The following SPG11 variants were observed in gnomAD, a reference collection of about 807,000 sequenced individuals.
SPG11 encodes SPG11 vesicle trafficking associated, spatacsin, also known as spatacsin.
In SPG11, 222 loss-of-function variants were observed where a neutral mutation model predicts 274.0. That is an observed-to-expected ratio of 0.81 (90% CI 0.73 to 0.91). SPG11 has a LOEUF of 0.91. SPG11 is among the 40% of genes least tolerant of loss of function. The probability of loss-of-function intolerance (pLI) is 0.00; values close to 1 mark genes in which losing one functional copy is unlikely to be tolerated. For synonymous variants in SPG11, 1,144 were observed against 1,039.7 expected, an observed-to-expected ratio of 1.10 and a Z score of -1.93; for missense variants, 3,114 against 2,872.7, an observed-to-expected ratio of 1.08 and a Z score of -1.92.
chr15:44,608,416 C>T (rs1743603192), intron 19 of SPG11, 28 bp downstream of exon 19: 2 of 1,611,988 alleles, frequency 1.2e-6, no homozygotes, highest in African/African-American at 2.7e-5. Context: ...TCTGATAGAC[C>T]TAAATATTGG....
At position 44,629,297 on chromosome 15, in the gene SPG11, T is replaced by C. The variant is rs1472302884; in HGVS notation, c.1827A>G (p.Gln609=). The part of the protein sequence containing the change: ...SEPQSKHFSE[Q]LLNLTLSFLN... ...GGAAAGACAGTGTAAGATTAAGCAA[T>C]TGTTCTGAAAAGTGTTTGCTTTGGG... The change falls in exon 9 of 40, where the codon CAA becomes CAG. Residue 609 remains glutamine (Q), a synonymous_variant. Transcript: ENST00000261866. 1.2e-6 allele frequency: 2 copies of C among 1,613,994 alleles called. No homozygotes were observed. Among genetic ancestry groups the C allele is most frequent in the East Asian group, 2.2e-5 (1 of 44,890 alleles).
chr15:44,596,665 A>G (rs1293898876), intron 24 of SPG11, 119 bp downstream of exon 24: 2 of 257,054 alleles, frequency 7.8e-6, no homozygotes, highest in Non-Finnish European at 1.3e-5. Context: ...CTGGTCAAAA[A>G]AAAAAAAAAA....
At chr15:44,601,257 T>C (rs1248121065) in intron 20 of SPG11, among the ~76,000 whole-genome samples, 5 of 152,140 alleles carry the variant, frequency 3.3e-5, no homozygotes, top group African/African-American at 1.2e-4. Flanking sequence ...TACAACATAA[T>C]TGATTTTTTA....
Position 44,633,617 on chromosome 15 carries a change from C to A in SPG11, c.1623G>T (p.Gln541His), listed in dbSNP as rs2084148497. The A allele has an allele frequency of 2.5e-6, 4 of 1,613,482 alleles. No individual in the cohort carries two copies. The highest frequency in any genetic ancestry group is 1.3e-5 in the African/African-American group (1 of 74,932). The change falls in exon 8 of 40, where the codon CAG becomes CAT. Residue 541 changes from glutamine to histidine, a missense_variant. By Grantham distance (24) the Gln-to-His change is conservative (BLOSUM62 0). Transcript: ENST00000261866. The part of the protein sequence containing the change: ...HALEAGIENR[Q>H]LDTVNFFLKS... ...TCAAAAAGAAATTTACTGTGTCCAG[C>A]TGACGATTTTCTATCCCGGCCTGAA...
chr15:44,600,544 T>A lies in SPG11; in HGVS notation c.3609A>T (p.Leu1203Phe), dbSNP rs1390671994. ...ATGCAAATGATGGCCGCCCATTATG[T>A]AAATAATAAGCAAAATTCAGACGTT... The part of the protein sequence containing the change: ...IVERLNFAYY[L>F]HNGRPSFAFG... The change falls in exon 21 of 40, where the codon TTA becomes TTT. Residue 1203 changes from leucine (L) to phenylalanine (F), a missense_variant. Coordinates refer to ENST00000261866, the MANE Select transcript of SPG11 (RefSeq NM_025137.4). 6.2e-7 allele frequency: 1 copy of A among 1,614,180 alleles called. No homozygotes were observed. The highest frequency in any genetic ancestry group is 8.5e-7 in the Non-Finnish European group (1 of 1,180,032).
At position 44,611,091 on chromosome 15, in the gene SPG11, TAAAAAAAA is replaced by T. The variant is rs35831490; in HGVS notation, c.3146-114_3146-107del. ...CATAAATTTTTAACTCTATCCCCAGTAAAAAAAAAAAAAAAAAAAAAAAAAGGACTTCC... is the reference window on the plus strand; with the variant it reads ...CATAAATTTTTAACTCTATCCCCAGTAAAAAAAAAAAAAAAAAGGACTTCC... On this transcript the variant is annotated intron_variant, in intron 17 of 39. Coordinates refer to ENST00000261866, the MANE Select transcript of SPG11 (RefSeq NM_025137.4). 3.9e-3 allele frequency: 274 copies of T among 70,060 alleles called. 1 individual carries two copies. Among genetic ancestry groups the T allele is most frequent in the South Asian group, 8.2e-3 (41 of 5,002 alleles). The allele number at this position is 70,060 out of a possible 1,614,324, so 4.3% of individuals were successfully genotyped here.
intron 21 of SPG11, 195 bp downstream of exon 21, chr15:44,600,272 C>A: frequency 1.8e-6 from 1 of 569,370 alleles, no homozygotes; most frequent in Non-Finnish European, 3.1e-6. Flanking sequence ...TTTTAGAATA[C>A]AAATTATATT....
At chr15:44,658,093 A>G (rs1193033924) in intron 3 of SPG11, among the ~76,000 whole-genome samples, 1 of 152,248 alleles carries the variant, frequency 6.6e-6, no homozygotes, top group Non-Finnish European at 1.5e-5. Flanking sequence ...AGCCAATTTC[A>G]TATGCTTAAT....
Position 44,620,270 on chromosome 15 carries a change from G to A in SPG11, c.2754C>T (p.Pro918=). The change falls in exon 15 of 40, where the codon CCC becomes CCT. Residue 918 remains proline (P), a synonymous_variant. Transcript: ENST00000261866. ...SYASLQQNKW[P]LLTVDVINQN... is the part of the protein sequence containing the mutation. ...GGTTAATAACATCAACAGTCAGAAG[G>A]GGCCATTTGTTCTGCTGAAGTGAAG... The A allele has an allele frequency of 6.2e-7, 1 of 1,613,958 alleles. No individual in the cohort carries two copies. The highest frequency in any genetic ancestry group is 8.5e-7 in the Non-Finnish European group (1 of 1,179,986).
At chr15:44,632,835 C>T (rs1056564656) in intron 8 of SPG11, among the ~76,000 whole-genome samples, 3 of 152,126 alleles carry the variant, frequency 2.0e-5, no homozygotes, top group Non-Finnish European at 4.4e-5. Context: ...TCCTAATCCA[C>T]AACTCAGAAA....
intron 30 of SPG11, among the ~76,000 whole-genome samples, chr15:44,582,117 T>C (rs192830030): frequency 1.7e-4 from 26 of 152,324 alleles, no homozygotes; most frequent in African/African-American, 5.8e-4. Flanking sequence ...CAGTCTCAGA[T>C]AGTTTTACTG....
Position 44,661,832 on chromosome 15 carries a change from T to A in SPG11, c.258-1216A>T, listed in dbSNP as rs547942634. Reference sequence around the variant, plus strand: ...CAATATTAAAAAGACCTATGTACTTTGAAAAAGTAGGAAGTAAACTCTAAA... The same window carrying A: ...CAATATTAAAAAGACCTATGTACTTAGAAAAAGTAGGAAGTAAACTCTAAA... On this transcript the variant is annotated intron_variant, in intron 1 of 39. Coordinates refer to ENST00000261866, the MANE Select transcript of SPG11 (RefSeq NM_025137.4). Among the ~76,000 whole-genome samples, 30 of 152,342 alleles carry A rather than the reference T, an allele frequency of 2.0e-4. No individual in the cohort carries two copies. In the South Asian group the frequency reaches 4.6e-3, roughly 23 times the overall value.
At position 44,644,166 on chromosome 15, in the gene SPG11, C is replaced by CAA. The variant is rs35554299; in HGVS notation, c.1602+4698_1602+4699dup. On this transcript the variant is annotated intron_variant, in intron 7 of 39. Coordinates refer to ENST00000261866, the MANE Select transcript of SPG11 (RefSeq NM_025137.4). The stretch of plus-strand genomic sequence containing the variant: ...TGGGCAACAGAGCAAGACTCCATCT[C>CAA]AAAAAAAAAAAAAAAAATTCTCCAC... Among the ~76,000 whole-genome samples the CAA allele has an allele frequency of 4.0e-3, 352 of 86,998 alleles. 3 individuals are homozygous for CAA. The highest frequency in any genetic ancestry group is 0.013 in the African/African-American group (306 of 22,716). The allele number at this position is 86,998 out of a possible 152,430, so 57.1% of individuals were successfully genotyped here. A position where few individuals can be genotyped will look rare whatever the true frequency, so the allele number is the denominator to read the frequency against.
At chr15:44,575,643 C>T (rs182309788) in intron 30 of SPG11, among the ~76,000 whole-genome samples, 38 of 151,730 alleles carry the variant, frequency 2.5e-4, no homozygotes, top group Non-Finnish European at 5.0e-4. Context: ...TACAGGCGTG[C>T]ACCACCACAC....
At chr15:44,633,038 T>G (rs557896118) in intron 8 of SPG11, among the ~76,000 whole-genome samples, 1 of 152,092 alleles carries the variant, frequency 6.6e-6, no homozygotes, top group Non-Finnish European at 1.5e-5. Context: ...TAGAATCTGA[T>G]AACACTGCCA....
chr15:44,598,198 AACT>A, intron 23 of SPG11, 64 bp downstream of exon 23: 1 of 1,201,114 alleles, frequency 8.3e-7, no homozygotes, highest in Non-Finnish European at 1.2e-6. Flanking sequence ...TTCAAAGAAA[AACT>A]AGGCAAACAC....
chr15:44,643,245 C>T (rs2084507705), intron 7 of SPG11, among the ~76,000 whole-genome samples: 1 of 152,080 alleles, frequency 6.6e-6, no homozygotes, highest in African/African-American at 2.4e-5. Context: ...CTTCAGCTTC[C>T]TGATCTATAA....
At chr15:44,580,606 G>C (rs977591990) in intron 30 of SPG11, among the ~76,000 whole-genome samples, 1 of 152,198 alleles carries the variant, frequency 6.6e-6, no homozygotes, top group Non-Finnish European at 1.5e-5. Context: ...GTGAAACCTT[G>C]TCTGTACTAA....
intron 8 of SPG11, among the ~76,000 whole-genome samples, chr15:44,632,021 C>T (rs548617272): frequency 3.3e-5 from 5 of 151,920 alleles, no homozygotes; most frequent in African/African-American, 1.2e-4. Context: ...GTTACCCAGG[C>T]TAGTCTCAAA....
Sources: allele counts gnomAD v4.1 joint callset (sites outside exome capture counted in the v4.1 genomes callset), GRCh38; gene constraint gnomAD v4.1.1; transcripts MANE v1.5; gene names NCBI Gene and HGNC (gene_info 2026-07-23, HGNC 2026-07-21).